The following CDCA3 variants were observed in gnomAD, a reference collection of about 807,000 sequenced individuals.
CDCA3 encodes the protein cell division cycle-associated protein 3.
Under a neutral mutation model 29.1 loss-of-function variants are expected in CDCA3, and 16 were observed. That is an observed-to-expected ratio of 0.55 (90% CI 0.37 to 0.83). The LOEUF (loss-of-function observed/expected upper bound fraction) is 0.83, where lower values mean the gene tolerates loss of function less well. CDCA3 is among the 40% of genes least tolerant of loss of function. The pLI is 0.00. For synonymous variants in CDCA3, 88 were observed against 124.5 expected, an observed-to-expected ratio of 0.71 and a Z score of 1.95; for missense variants, 291 against 327.2, an observed-to-expected ratio of 0.89 and a Z score of 0.85.
At position 6,850,729 on chromosome 12, in the gene CDCA3, A is replaced by C; in HGVS notation, c.120+104T>G. 1 of 1,571,178 alleles carries C rather than the reference A, an allele frequency of 6.4e-7. No individual in the cohort carries two copies. Among genetic ancestry groups the C allele is most frequent in the Non-Finnish European group, 8.7e-7 (1 of 1,151,856 alleles). On this transcript the variant is annotated intron_variant, in intron 2 of 5. Transcript: ENST00000538862. The surrounding 1 kb of genome is among the most constrained non-coding windows in gnomAD (Gnocchi z 4.7). ...ACACAGATTGAGATTGCAGAAAATAAGGCTAGGATAAGGGTGGGGTCATGA... is the reference window on the plus strand; with the variant it reads ...ACACAGATTGAGATTGCAGAAAATACGGCTAGGATAAGGGTGGGGTCATGA...
At chr12:6,845,754 G>A (rs782763999), downstream of CDCA3, 19 of 1,613,994 alleles carry the variant, frequency 1.2e-5, no homozygotes, top group South Asian at 2.0e-4. Context: ...CGCTGGCTAC[G>A]ACGACTTCAA....
At chr12:6,846,734 C>A, downstream of CDCA3, 1 of 971,236 alleles carries the variant, frequency 1.0e-6, no homozygotes, top group Non-Finnish European at 1.6e-6. Flanking sequence ...CACGCATGCA[C>A]ACACTGCTTT....
chr12:6,851,282 G>T lies in CDCA3; in HGVS notation c.-118C>A. Reference sequence around the variant, plus strand: ...CGTGGCTCAACTCCCGAAGTTACCAGTTTCAAACTTCCCGCCACGCCCCCT... The same window carrying T: ...CGTGGCTCAACTCCCGAAGTTACCATTTTCAAACTTCCCGCCACGCCCCCT... On this transcript the variant is annotated 5_prime_UTR_variant, in exon 1 of 6. The change creates a new upstream start codon in the 5' untranslated region. Transcript: ENST00000538862. The T allele has an allele frequency of 8.9e-7, 1 of 1,120,222 alleles. No individual in the cohort carries two copies. The highest frequency in any genetic ancestry group is 1.1e-6 in the Non-Finnish European group (1 of 912,158). 69.4% of individuals were successfully genotyped at this position (1,120,222 alleles called of 1,614,324 possible).
downstream of CDCA3, chr12:6,846,180 G>T: frequency 4.0e-6 from 1 of 250,248 alleles, no homozygotes; most frequent in Non-Finnish European, 7.8e-6. Flanking sequence ...CGAGGGCCCT[G>T]ACTGCAGCCT....
At chr12:6,846,726 C>T (rs782182483), downstream of CDCA3, 27 of 856,134 alleles carry the variant, frequency 3.2e-5, no homozygotes, top group Non-Finnish European at 4.1e-5. Flanking sequence ...TACACTTACA[C>T]GCATGCACAC....
chr12:6,849,609 C>T lies in CDCA3; in HGVS notation c.500G>A (p.Ser167Asn), dbSNP rs1555125764. The T allele has an allele frequency of 6.2e-7, 1 of 1,613,726 alleles. No homozygotes were observed. Among genetic ancestry groups the T allele is most frequent in the Non-Finnish European group, 8.5e-7 (1 of 1,179,772 alleles). ...QPTETPVASQSSDKPSRDPET... is the reference protein window; with the variant it reads ...QPTETPVASQNSDKPSRDPET... ...AGGGTCCCTTGAGGGCTTGTCGGAG[C>T]TCTGGCTGGCCACAGGGGTTTCTGT... is the stretch of plus-strand genomic sequence containing the variant. The change falls in exon 4 of 6, where the codon AGC (serine) becomes AAC (asparagine). Residue 167 changes from serine (S) to asparagine (N), a missense_variant. Transcript: ENST00000538862. This position sits in a 1 kb window ranked among gnomAD's most constrained non-coding sequence, Gnocchi z 5.2.
At chr12:6,851,072 C>A in intron 1 of CDCA3, 63 bp from the exon 2 acceptor site, 2 of 1,435,824 alleles carry the variant, frequency 1.4e-6, no homozygotes, top group Admixed American at 5.8e-5. Flanking sequence ...AACCCTAAAC[C>A]ACCCTGTCTT....
Position 6,850,244 on chromosome 12 carries a change from C to A in CDCA3, c.250+223G>T. 3.5e-6 allele frequency: 2 copies of A among 578,684 alleles called. No individual in the cohort carries two copies. The highest frequency in any genetic ancestry group is 6.1e-6 in the Non-Finnish European group (2 of 329,624). 35.8% of individuals were successfully genotyped at this position (578,684 alleles called of 1,614,324 possible). On this transcript the variant is annotated intron_variant, in intron 3 of 5. Coordinates refer to ENST00000538862, the MANE Select transcript of CDCA3 (RefSeq NM_031299.7). The surrounding 1 kb of genome is among the most constrained non-coding windows in gnomAD (Gnocchi z 4.7). ...TGTTGCCTAGGCTGGTCTTGAACTC[C>A]TGGGCTCAAGCGATCTGACCACCCC... is the stretch of plus-strand genomic sequence containing the variant.
At position 6,849,957 on chromosome 12, in the gene CDCA3, A is replaced by T. The variant is rs1420302415; in HGVS notation, c.251-99T>A. On this transcript the variant is annotated intron_variant, in intron 3 of 5. Coordinates refer to ENST00000538862, the MANE Select transcript of CDCA3 (RefSeq NM_031299.7). The surrounding 1 kb of genome is among the most constrained non-coding windows in gnomAD (Gnocchi z 5.2). ...CCCAGGACTCATGCCCAGGAGGGTG[A>T]GCAAGTGGGAAGAGAGAAATCAAGG... 1 of 1,104,946 alleles carries T rather than the reference A, an allele frequency of 9.1e-7. No homozygotes were observed. The highest frequency in any genetic ancestry group is 2.0e-5 in the South Asian group (1 of 49,952). 68.4% of individuals were successfully genotyped at this position (1,104,946 alleles called of 1,614,324 possible).
downstream of CDCA3, chr12:6,846,084 T>C: frequency 2.4e-6 from 1 of 411,220 alleles, no homozygotes; most frequent in Non-Finnish European, 4.5e-6. Context: ...TCTGGGTTCC[T>C]GGCATTTCAG....
At chr12:6,846,111 G>A, downstream of CDCA3, 1 of 363,468 alleles carries the variant, frequency 2.8e-6, no homozygotes, top group Non-Finnish European at 5.1e-6. Flanking sequence ...CCACTGAGAG[G>A]CAAGACAGCC....
In CDCA3 at chr12:6,850,896, CTTG is replaced by C. The variant is rs782532796; in HGVS notation, c.54_56del (p.Asn18del). ...GGGGGTCCGCCACTCGAGCCAGATGCTTGTTGTGCGGCGGAGGCCGCGCTGGTG... is the reference window on the plus strand; with the variant it reads ...GGGGGTCCGCCACTCGAGCCAGATGCTTGTGCGGCGGAGGCCGCGCTGGTG... On this transcript the variant is annotated inframe_deletion, in exon 2 of 6. Coordinates refer to ENST00000538862, the MANE Select transcript of CDCA3 (RefSeq NM_031299.7). The surrounding 1 kb of genome is among the most constrained non-coding windows in gnomAD (Gnocchi z 4.7). 6.8e-6 allele frequency: 11 copies of C among 1,613,784 alleles called. No individual in the cohort carries two copies. In the East Asian group the frequency reaches 1.6e-4, roughly 23 times the overall value.
Position 6,850,460 on chromosome 12 carries a change from C to A in CDCA3, c.250+7G>T, listed in dbSNP as rs187591628. The A allele has an allele frequency of 2.5e-6, 4 of 1,613,972 alleles. No individual in the cohort carries two copies. In the Admixed American group the frequency reaches 5.0e-5, roughly 20 times the overall value. On this transcript the variant is annotated splice_region_variant and intron_variant, in intron 3 of 5. Transcript: ENST00000538862. The surrounding 1 kb of genome is among the most constrained non-coding windows in gnomAD (Gnocchi z 4.7). ...CTTCATCAGCATTCCCTGGGCCCAA[C>A]GCTTACCTCCACTGCTGGTCTTCAT...
chr12:6,846,975 T>C (rs1943718841), downstream of CDCA3: 2 of 805,644 alleles, frequency 2.5e-6, no homozygotes, highest in Admixed American at 4.1e-5. Context: ...CATTCAGGTG[T>C]TCTCTTCTAT....
downstream of CDCA3, among the ~76,000 whole-genome samples, chr12:6,847,562 G>A (rs187540911): frequency 6.9e-4 from 105 of 152,306 alleles, 2 homozygotes; most frequent in African/African-American, 2.5e-3. Flanking sequence ...TCAGCAGGTG[G>A]CTGGGGGACT....
At position 6,850,983 on chromosome 12, in the gene CDCA3, G is replaced by A; in HGVS notation, c.-31C>T. ...CCAGGAGTTGCAGGGTGGGGGCAAGGGCCAGCCCGGGACGAGGAGGGAATG... is the reference window on the plus strand; with the variant it reads ...CCAGGAGTTGCAGGGTGGGGGCAAGAGCCAGCCCGGGACGAGGAGGGAATG... On this transcript the variant is annotated 5_prime_UTR_variant, in exon 2 of 6. Coordinates refer to ENST00000538862, the MANE Select transcript of CDCA3 (RefSeq NM_031299.7). The surrounding 1 kb of genome is among the most constrained non-coding windows in gnomAD (Gnocchi z 4.7). 3 of 1,595,980 alleles carry A rather than the reference G, an allele frequency of 1.9e-6. No individual in the cohort carries two copies. Among genetic ancestry groups the A allele is most frequent in the South Asian group, 1.1e-5 (1 of 89,752 alleles).
chr12:6,850,756 G>A lies in CDCA3; in HGVS notation c.120+77C>T. ...GCTAGGATAAGGGTGGGGTCATGAC[G>A]GCTCTCTCAAAATCAGGTTAGGAAG... On this transcript the variant is annotated intron_variant, in intron 2 of 5. Transcript: ENST00000538862. The surrounding 1 kb of genome is among the most constrained non-coding windows in gnomAD (Gnocchi z 4.7). 5 of 1,581,586 alleles carry A rather than the reference G, an allele frequency of 3.2e-6. No individual in the cohort carries two copies. The highest frequency in any genetic ancestry group is 3.5e-6 in the Non-Finnish European group (4 of 1,158,938).
intron 1 of CDCA3, 44 bp from the exon 2 acceptor site, chr12:6,851,053 C>A: frequency 2.7e-6 from 4 of 1,463,072 alleles, no homozygotes; most frequent in South Asian, 1.4e-5. Context: ...TCTTCCACGT[C>A]GGACCTTCAA....
Position 6,850,624 on chromosome 12 carries a change from C to T in CDCA3, c.121-28G>A. The T allele has an allele frequency of 1.2e-6, 2 of 1,613,988 alleles. No individual in the cohort carries two copies. The highest frequency in any genetic ancestry group is 1.7e-6 in the Non-Finnish European group (2 of 1,179,974). On this transcript the variant is annotated intron_variant, in intron 2 of 5. Coordinates refer to ENST00000538862, the MANE Select transcript of CDCA3 (RefSeq NM_031299.7). This position sits in a 1 kb window ranked among gnomAD's most constrained non-coding sequence, Gnocchi z 4.7. ...GTCAAGACCATAGGCTAGAACAAGTCTGGGCCCTGACTCTTCTCTCCTCTC... is the reference window on the plus strand; with the variant it reads ...GTCAAGACCATAGGCTAGAACAAGTTTGGGCCCTGACTCTTCTCTCCTCTC...
Sources: allele counts gnomAD v4.1 joint callset (sites outside exome capture counted in the v4.1 genomes callset), GRCh38; gene constraint gnomAD v4.1.1; non-coding constraint Gnocchi (gnomAD v3.1); transcripts MANE v1.5; gene names NCBI Gene and HGNC (gene_info 2026-07-23, HGNC 2026-07-21).